The following FYB1 variants were observed in gnomAD, a reference collection of about 807,000 sequenced individuals.
FYB1 encodes FYN binding protein 1.
FYB1 carries 41 observed loss-of-function variants against 94.1 expected under a neutral mutation model. That is an observed-to-expected ratio of 0.44 (90% CI 0.34 to 0.57). FYB1 has a LOEUF of 0.57. FYB1 is among the 20% of genes least tolerant of loss of function. The pLI, the probability that FYB1 is intolerant of heterozygous loss-of-function variation, is 0.02. For missense variants in FYB1, 1,050 were observed against 976.8 expected, an observed-to-expected ratio of 1.07 and a Z score of -1.00; for synonymous variants, 367 against 353.2, an observed-to-expected ratio of 1.04 and a Z score of -0.44.
chr5:39,244,126 C>T (rs1273290985), intron 1 of FYB1, among the ~76,000 whole-genome samples: 1 of 151,952 alleles, frequency 6.6e-6, no homozygotes, highest in Non-Finnish European at 1.5e-5. Context: ...AATTGAATAC[C>T]CTTTATTTCT....
intron 5 of FYB1, 100 bp downstream of exon 5, chr5:39,139,133 A>T (rs183642364): frequency 0.011 from 13,329 of 1,187,964 alleles, 100 homozygotes; most frequent in Non-Finnish European, 0.013. Flanking sequence ...GCTCATAAGG[A>T]TTTTCATTTG....
chr5:39,245,731 T>C (rs1043372672), intron 1 of FYB1, among the ~76,000 whole-genome samples: 86 of 151,928 alleles, frequency 5.7e-4, no homozygotes, highest in Admixed American at 5.9e-4. Context: ...CCTGAGTAGC[T>C]GGGATTACAG....
intron 4 of FYB1, 160 bp from the exon 5 acceptor site, chr5:39,139,412 A>G: frequency 7.1e-6 from 4 of 563,784 alleles, no homozygotes; most frequent in South Asian, 7.8e-5. Flanking sequence ...TACGTACTTT[A>G]GATCTTTACT....
chr5:39,152,207 T>C (rs1414292677), intron 3 of FYB1, among the ~76,000 whole-genome samples: 1 of 152,244 alleles, frequency 6.6e-6, no homozygotes, highest in Non-Finnish European at 1.5e-5. Flanking sequence ...ACGCAGGTCA[T>C]ATGTAAGATA....
intron 1 of FYB1, chr5:39,250,686 G>A (rs1235281780): frequency 6.6e-6 from 1 of 152,110 alleles, no homozygotes; most frequent in Non-Finnish European, 1.5e-5. Context: ...AAATTCCATG[G>A]TCCCGCAATC....
chr5:39,108,035 T>C (rs1738689200), intron 18 of FYB1, among the ~76,000 whole-genome samples, 196 bp downstream of exon 18: 1 of 152,066 alleles, frequency 6.6e-6, no homozygotes, highest in Admixed American at 6.6e-5. Context: ...ATAAGGTTTT[T>C]CCTTAATTTT....
At chr5:39,207,529 A>G (rs146954248) in intron 1 of FYB1, among the ~76,000 whole-genome samples, 8 of 152,350 alleles carry the variant, frequency 5.3e-5, no homozygotes, top group African/African-American at 1.9e-4. Context: ...AAAAGTAATG[A>G]ACCAAGTAAA....
At chr5:39,144,070 T>C (rs114587069) in intron 3 of FYB1, among the ~76,000 whole-genome samples, 3,149 of 152,278 alleles carry the variant, frequency 0.021, 106 homozygotes, top group African/African-American at 0.071. Flanking sequence ...ATTGGGATAA[T>C]GTATGTACAG....
chr5:39,211,025 A>G (rs1437335181), intron 1 of FYB1: 2 of 152,314 alleles, frequency 1.3e-5, no homozygotes, highest in Admixed American at 6.5e-5. Flanking sequence ...TTCTTATTCT[A>G]TTTTACAATT....
intron 1 of FYB1, among the ~76,000 whole-genome samples, chr5:39,258,286 A>AG (rs1411569971): frequency 6.6e-6 from 1 of 152,086 alleles, no homozygotes; most frequent in Non-Finnish European, 1.5e-5. Flanking sequence ...TCAGGGATGA[A>AG]GGGGGAAAAG....
intron 1 of FYB1, among the ~76,000 whole-genome samples, chr5:39,227,960 G>A (rs1055681377): frequency 7.9e-5 from 12 of 152,156 alleles, no homozygotes; most frequent in African/African-American, 2.9e-4. Context: ...GGCCAACTGG[G>A]AACTGGGAAC....
Position 39,123,291 on chromosome 5 carries a change from C to T in FYB1, c.2072-889G>A, listed in dbSNP as rs79913435. On this transcript the variant is annotated intron_variant, in intron 13 of 18. Coordinates refer to ENST00000512982, the MANE Select transcript of FYB1 (RefSeq NM_001465.6). Reference sequence around the variant, plus strand: ...TGTATTCAGGTTAACTAATTTCACACGATGAAACTTGCTCAGCTGCGTGAA... The same window carrying T: ...TGTATTCAGGTTAACTAATTTCACATGATGAAACTTGCTCAGCTGCGTGAA... Among the ~76,000 whole-genome samples the T allele has an allele frequency of 8.5e-5, 13 of 152,240 alleles. No individual in the cohort carries two copies. The East Asian group carries it at 1.9e-3, about 23-fold the overall frequency.
intron 1 of FYB1, among the ~76,000 whole-genome samples, chr5:39,240,338 T>C (rs1488865328): frequency 6.6e-6 from 1 of 152,116 alleles, no homozygotes; most frequent in Non-Finnish European, 1.5e-5. Context: ...CTAATTAAAC[T>C]AAAGAACTTC....
intron 2 of FYB1, among the ~76,000 whole-genome samples, chr5:39,167,461 G>A (rs1744842897): frequency 6.6e-6 from 1 of 152,126 alleles, no homozygotes; most frequent in South Asian, 2.1e-4. Context: ...CTTTTTCTAA[G>A]TGTTTACTGA....
chr5:39,233,650 T>C (rs1474819433), intron 1 of FYB1, among the ~76,000 whole-genome samples: 2 of 151,962 alleles, frequency 1.3e-5, no homozygotes, highest in Non-Finnish European at 2.9e-5. Context: ...CTTGGAATTG[T>C]TGTACATTTT....
intron 2 of FYB1, among the ~76,000 whole-genome samples, chr5:39,163,798 G>A (rs963625252): frequency 6.6e-6 from 1 of 152,068 alleles, no homozygotes; most frequent in Non-Finnish European, 1.5e-5. Flanking sequence ...AGATTACAGG[G>A]TGTCTCTTCC....
At chr5:39,269,041 T>C (rs1439079545) in intron 1 of FYB1, among the ~76,000 whole-genome samples, 3 of 152,096 alleles carry the variant, frequency 2.0e-5, no homozygotes, top group Admixed American at 1.3e-4. Flanking sequence ...TCAAGCTGTT[T>C]TCTTTTCTTT....
At chr5:39,156,672 A>G (rs1227709113) in intron 2 of FYB1, among the ~76,000 whole-genome samples, 1 of 152,198 alleles carries the variant, frequency 6.6e-6, no homozygotes, top group Non-Finnish European at 1.5e-5. Context: ...ACTGCTAGGA[A>G]TACATTTGCA....
intron 1 of FYB1, among the ~76,000 whole-genome samples, chr5:39,239,857 AT>A (rs1751127575): frequency 6.6e-6 from 1 of 152,212 alleles, no homozygotes; most frequent in Non-Finnish European, 1.5e-5. Flanking sequence ...AGCCAAAGCA[AT>A]CTTAAGCATA....
Sources: gnomAD v4.1 joint callset for allele counts (sites outside exome capture counted in the v4.1 genomes callset) on GRCh38, gnomAD v4.1.1 for gene constraint, MANE v1.5 for transcripts, NCBI Gene and HGNC (gene_info 2026-07-23, HGNC 2026-07-21) for gene names.